The following CWF19L2 variants were observed in gnomAD, a reference collection of about 807,000 sequenced individuals.
CWF19L2 encodes the protein CWF19-like protein 2.
Under a neutral mutation model 111.7 loss-of-function variants are expected in CWF19L2, and 98 were observed. That is an observed-to-expected ratio of 0.88 (90% CI 0.75 to 1.04). The LOEUF (loss-of-function observed/expected upper bound fraction) is 1.04. Ranked by LOEUF, CWF19L2 falls within the 50% of genes least tolerant of loss-of-function variation. CWF19L2 has a pLI of 0.00. For missense variants in CWF19L2, 1,101 were observed against 1,051.4 expected, an observed-to-expected ratio of 1.05 and a Z score of -0.65; for synonymous variants, 351 against 342.9, an observed-to-expected ratio of 1.02 and a Z score of -0.26.
chr11:107,429,426 A>G lies in CWF19L2; in HGVS notation c.806T>C (p.Leu269Ser), dbSNP rs1184490839. 1 of 1,558,032 alleles carries G rather than the reference A, an allele frequency of 6.4e-7. No homozygotes were observed. Among genetic ancestry groups the G allele is most frequent in the South Asian group, 1.2e-5 (1 of 83,076 alleles). ...GGATGCAGCTTTTTCAGCATCTTCT[A>G]ATTTTGACTGAAATATTTCCATTGA... is the stretch of plus-strand genomic sequence containing the variant. ...YGSMEIFQSK[L>S]EDAEKAASTK... The change falls in exon 8 of 18, where the codon TTA becomes TCA. Residue 269 changes from leucine to serine, a missense_variant. Physicochemically the swap from Leu to Ser is moderately radical, Grantham distance 145. Transcript: ENST00000282251.
At position 107,349,025 on chromosome 11, in the gene CWF19L2, G is replaced by C. The variant is rs375063598; in HGVS notation, c.2114C>G (p.Ser705Cys). The stretch of plus-strand genomic sequence containing the variant: ...TATCAGGCAGTGCCCCTCAGTAAGA[G>C]ACCGTACGTTGGGTAAACATAAATA... Reference protein sequence around the residue: ...KVYLCLPNVRSLTEGHCLIVP... With the variant: ...KVYLCLPNVRCLTEGHCLIVP... The change falls in exon 14 of 18, where the codon TCT becomes TGT. Residue 705 changes from serine (S) to cysteine (C), a missense_variant. Transcript: ENST00000282251. The C allele has an allele frequency of 6.2e-6, 10 of 1,607,670 alleles. No homozygotes were observed. The highest frequency in any genetic ancestry group is 2.7e-5 in the African/African-American group (2 of 74,706).
intron 16 of CWF19L2, 135 bp downstream of exon 16, chr11:107,334,746 T>C (rs1859896838): frequency 1.5e-6 from 1 of 679,042 alleles, no homozygotes; most frequent in Non-Finnish European, 2.6e-6. Context: ...AGGATAAAAA[T>C]AACTTCATTT....
At chr11:107,330,093 T>TCTGG in intron 16 of CWF19L2, 74 bp from the exon 17 acceptor site, 1 of 791,098 alleles carries the variant, frequency 1.3e-6, no homozygotes, top group Non-Finnish European at 1.9e-6. Flanking sequence ...TCCCCTCTTC[T>TCTGG]CTGGAAGGAC....
At chr11:107,412,009 C>A (rs966960391) in intron 10 of CWF19L2, among the ~76,000 whole-genome samples, 4 of 152,116 alleles carry the variant, frequency 2.6e-5, no homozygotes, top group Non-Finnish European at 5.9e-5. Context: ...AGTCATGTAA[C>A]TACAGTTGTC....
chr11:107,340,368 C>G (rs748504245), intron 14 of CWF19L2, among the ~76,000 whole-genome samples: 9 of 152,150 alleles, frequency 5.9e-5, no homozygotes, highest in Non-Finnish European at 1.3e-4. Context: ...AGCTGATACT[C>G]AAGTTTTTTG....
At chr11:107,441,683 T>A (rs1861621319) in intron 4 of CWF19L2, 61 bp from the exon 5 acceptor site, 1 of 1,400,010 alleles carries the variant, frequency 7.1e-7, no homozygotes, top group Non-Finnish European at 9.3e-7. Context: ...TCTGAACTGA[T>A]TAGAATTTAA....
At chr11:107,440,244 G>C (rs1206233880) in intron 5 of CWF19L2, among the ~76,000 whole-genome samples, 1 of 152,164 alleles carries the variant, frequency 6.6e-6, no homozygotes, top group Non-Finnish European at 1.5e-5. Flanking sequence ...AGTAATAATG[G>C]CAAGAGGATG....
intron 10 of CWF19L2, among the ~76,000 whole-genome samples, chr11:107,396,785 C>T (rs1860928827): frequency 6.6e-6 from 1 of 152,088 alleles, no homozygotes; most frequent in Non-Finnish European, 1.5e-5. Context: ...ACCCACAGAC[C>T]CTCTCTGAAG....
intron 10 of CWF19L2, among the ~76,000 whole-genome samples, chr11:107,411,933 G>A (rs1395982100): frequency 2.0e-5 from 3 of 152,150 alleles, no homozygotes; most frequent in African/African-American, 7.2e-5. Flanking sequence ...TAGTCCTATC[G>A]AATGGAAGTC....
chr11:107,363,386 T>C (rs1243977754), intron 12 of CWF19L2, among the ~76,000 whole-genome samples: 1 of 151,660 alleles, frequency 6.6e-6, no homozygotes, highest in East Asian at 1.9e-4. Flanking sequence ...TTCACCAAAG[T>C]TGAAATGAAG....
intron 13 of CWF19L2, among the ~76,000 whole-genome samples, chr11:107,350,774 T>C (rs1345027451): frequency 6.6e-6 from 1 of 152,184 alleles, no homozygotes; most frequent in Non-Finnish European, 1.5e-5. Flanking sequence ...AGATAGTGTC[T>C]AGGGAGAAGT....
chr11:107,436,013 G>T (rs187508032), intron 6 of CWF19L2, among the ~76,000 whole-genome samples: 7 of 152,088 alleles, frequency 4.6e-5, no homozygotes, highest in African/African-American at 1.4e-4. Flanking sequence ...AATTAGCTGG[G>T]TGTGGTGGCA....
At chr11:107,431,195 TTTAAGTA>T (rs1374683482) in intron 7 of CWF19L2, among the ~76,000 whole-genome samples, 2 of 151,836 alleles carry the variant, frequency 1.3e-5, no homozygotes, top group African/African-American at 4.8e-5. Context: ...GAAAAGAAAG[TTTAAGTA>T]TTAACAGAGA....
chr11:107,437,758 C>A (rs1406485492), intron 6 of CWF19L2, among the ~76,000 whole-genome samples: 3 of 152,152 alleles, frequency 2.0e-5, no homozygotes, highest in Admixed American at 6.5e-5. Context: ...CAGTAAAGAA[C>A]CTGTCAACTG....
intron 10 of CWF19L2, among the ~76,000 whole-genome samples, chr11:107,393,343 T>C (rs1488722331): frequency 1.3e-5 from 2 of 152,166 alleles, no homozygotes; most frequent in Admixed American, 1.3e-4. Flanking sequence ...TTTCTATTAA[T>C]AGCCTTCAAA....
intron 8 of CWF19L2, among the ~76,000 whole-genome samples, chr11:107,425,578 A>G (rs892201144): frequency 3.3e-5 from 5 of 151,864 alleles, no homozygotes; most frequent in South Asian, 2.1e-4. Context: ...CCTAATGACA[A>G]TTTCTCAGAA....
intron 12 of CWF19L2, among the ~76,000 whole-genome samples, chr11:107,360,584 C>T (rs1290682751): frequency 6.6e-6 from 1 of 152,146 alleles, no homozygotes; most frequent in Non-Finnish European, 1.5e-5. Flanking sequence ...GAGGCCGTAC[C>T]AATTTACATT....
intron 12 of CWF19L2, among the ~76,000 whole-genome samples, chr11:107,357,860 G>A (rs999998690): frequency 4.6e-5 from 7 of 152,212 alleles, no homozygotes; most frequent in Non-Finnish European, 7.3e-5. Context: ...GTAAAAGATA[G>A]TGGAGAATGT....
intron 10 of CWF19L2, among the ~76,000 whole-genome samples, chr11:107,394,077 T>A (rs1860887393): frequency 6.6e-6 from 1 of 152,182 alleles, no homozygotes; most frequent in South Asian, 2.1e-4. Context: ...TAAAAATCCA[T>A]TTGAAACAAG....
Sources: allele counts gnomAD v4.1 joint callset (sites outside exome capture counted in the v4.1 genomes callset), GRCh38; gene constraint gnomAD v4.1.1; transcripts MANE v1.5; gene names NCBI Gene and HGNC (gene_info 2026-07-23, HGNC 2026-07-21).